ANO3: variants seen among roughly 807,000 people sequenced by gnomAD.
ANO3 encodes the protein anoctamin 3.
ANO3 carries 99 observed loss-of-function variants against 144.8 expected under a neutral mutation model. The observed-to-expected ratio is 0.68, with a 90% CI of 0.58 to 0.81. The LOEUF (loss-of-function observed/expected upper bound fraction) is 0.81, where lower values mean the gene tolerates loss of function less well. Ranked by LOEUF, ANO3 falls within the 30% of genes least tolerant of loss-of-function variation. The pLI is 0.00. For synonymous variants in ANO3, 414 were observed against 392.6 expected (o/e 1.05, Z -0.64); for missense variants, 905 against 1,202.2 (o/e 0.75, Z 3.66).
intron 1 of ANO3, among the ~76,000 whole-genome samples, chr11:26,365,431 C>T (rs953788476): frequency 4.6e-5 from 7 of 152,326 alleles, no homozygotes; most frequent in African/African-American, 1.7e-4. Flanking sequence ...GGGCTTCCAA[C>T]CCAAAATTTC....
rs537027468 is a variant in ANO3 at position 26,578,756 on chromosome 11, G to A, written c.1447+18977G>A. Among the ~76,000 whole-genome samples the A allele has an allele frequency of 1.4e-4, 22 of 152,294 alleles. No homozygotes were observed. In the South Asian group the frequency reaches 4.6e-3, roughly 32 times the overall value. On this transcript the variant is annotated intron_variant, in intron 14 of 26. Transcript: ENST00000256737. ...GGGATAGAGGCCTATTGCTAAAATG[G>A]AGAGTTATAGGCTCCCTGTAGATTC...
intron 1 of ANO3, among the ~76,000 whole-genome samples, chr11:26,269,918 G>A (rs1274431018): frequency 6.6e-6 from 1 of 152,042 alleles, no homozygotes; most frequent in African/African-American, 2.4e-5. Flanking sequence ...ATTAGCATAG[G>A]CCCTAATCAA....
intron 7 of ANO3, among the ~76,000 whole-genome samples, chr11:26,528,438 C>T (rs1405516095): frequency 2.0e-5 from 3 of 152,152 alleles, no homozygotes; most frequent in Non-Finnish European, 4.4e-5. Context: ...TTTCTGTTAA[C>T]ATCACAAATG....
Position 26,599,547 on chromosome 11 carries a change from T to A in ANO3, c.1672-3T>A, listed in dbSNP as rs2132929518. ...ATGTTTTTTCTGGTGTCCAATATTG[T>A]AGATATCCTTGGTGATCACTGCAGT... On this transcript the variant is annotated splice_polypyrimidine_tract_variant and splice_region_variant and intron_variant, in intron 16 of 26. Coordinates refer to ENST00000256737, the MANE Select transcript of ANO3 (RefSeq NM_031418.4). 1 of 1,611,500 alleles carries A rather than the reference T, an allele frequency of 6.2e-7. No homozygotes were observed. The highest frequency in any genetic ancestry group is 1.3e-5 in the African/African-American group (1 of 74,992).
intron 3 of ANO3, among the ~76,000 whole-genome samples, chr11:26,451,589 C>A (rs1244443748): frequency 6.6e-6 from 1 of 152,204 alleles, no homozygotes; most frequent in East Asian, 1.9e-4. Context: ...CAGGAAGCTC[C>A]AACTGAGTGG....
chr11:26,262,949 G>C (rs778034081), intron 1 of ANO3, among the ~76,000 whole-genome samples: 1 of 152,136 alleles, frequency 6.6e-6, no homozygotes, highest in African/African-American at 2.4e-5. Context: ...CCTAAATACT[G>C]AGACATACTC....
At chr11:26,534,404 C>A in intron 8 of ANO3, 52 bp from the exon 9 acceptor site, 2 of 1,210,380 alleles carry the variant, frequency 1.7e-6, no homozygotes, top group Non-Finnish European at 2.4e-6. Context: ...GTAACTATTG[C>A]TGGATTCTGT....
At chr11:26,512,700 A>G (rs1349130538) in intron 5 of ANO3, among the ~76,000 whole-genome samples, 1 of 152,232 alleles carries the variant, frequency 6.6e-6, no homozygotes, top group African/African-American at 2.4e-5. Context: ...TGTAATGCAG[A>G]AACATCCTTC....
intron 1 of ANO3, among the ~76,000 whole-genome samples, chr11:26,361,623 G>A (rs1855930922): frequency 6.6e-6 from 1 of 152,076 alleles, no homozygotes; most frequent in African/African-American, 2.4e-5. Flanking sequence ...GCCAACTTTG[G>A]TGCTTATTGC....
At chr11:26,395,037 A>C (rs990310261) in intron 1 of ANO3, among the ~76,000 whole-genome samples, 3 of 152,100 alleles carry the variant, frequency 2.0e-5, no homozygotes, top group Admixed American at 6.6e-5. Context: ...ACCCCTGTGG[A>C]ATTTTGGGGG....
chr11:26,455,964 G>A (rs1329768117), intron 3 of ANO3, among the ~76,000 whole-genome samples: 8 of 151,528 alleles, frequency 5.3e-5, no homozygotes, highest in Non-Finnish European at 1.0e-4. Flanking sequence ...AGAAAAACAA[G>A]CAATGGGGAA....
intron 6 of ANO3, among the ~76,000 whole-genome samples, chr11:26,521,091 T>G (rs1862053786): frequency 1.3e-5 from 2 of 152,168 alleles, no homozygotes; most frequent in South Asian, 4.1e-4. Flanking sequence ...CACTGGAAAT[T>G]TGGGATAGCA....
At chr11:26,458,478 A>G (rs1465654669) in intron 3 of ANO3, among the ~76,000 whole-genome samples, 1 of 152,162 alleles carries the variant, frequency 6.6e-6, no homozygotes, top group African/African-American at 2.4e-5. Flanking sequence ...CCTTCATACT[A>G]TAGTTTTTCA....
intron 1 of ANO3, among the ~76,000 whole-genome samples, chr11:26,235,947 A>G (rs184036087): frequency 1.9e-4 from 29 of 152,254 alleles, no homozygotes; most frequent in African/African-American, 6.7e-4. Flanking sequence ...TCTCAATATT[A>G]TGTAGTTAAT....
chr11:26,561,257 A>G, intron 14 of ANO3: 4 of 1,513,638 alleles, frequency 2.6e-6, no homozygotes, highest in Admixed American at 2.1e-5. Flanking sequence ...ACTGTTTCAC[A>G]GTGATACTCT....
intron 1 of ANO3, among the ~76,000 whole-genome samples, chr11:26,371,356 G>C (rs1243153035): frequency 6.6e-6 from 1 of 152,222 alleles, no homozygotes; most frequent in Admixed American, 6.5e-5. Context: ...GCTTGGACAT[G>C]CCTGGATGTC....
intron 4 of ANO3, among the ~76,000 whole-genome samples, chr11:26,476,932 T>TGTGA (rs1334120290): frequency 6.7e-5 from 9 of 133,958 alleles, no homozygotes; most frequent in Non-Finnish European, 9.7e-5. Context: ...TGTGTGTGTG[T>TGTGA]GAGAGAGAGA....
intron 1 of ANO3, among the ~76,000 whole-genome samples, chr11:26,281,641 T>C (rs1231790369): frequency 1.3e-5 from 2 of 152,214 alleles, no homozygotes; most frequent in Non-Finnish European, 2.9e-5. Context: ...TTGTACACTC[T>C]AACAGGTACA....
intron 1 of ANO3, chr11:26,427,140 A>G (rs1364488076): frequency 2.0e-5 from 4 of 202,332 alleles, no homozygotes; most frequent in South Asian, 1.0e-4. Flanking sequence ...ACTAAGGACA[A>G]ATACCTAAAA....
Sources: allele counts gnomAD v4.1 joint callset (sites outside exome capture counted in the v4.1 genomes callset), GRCh38; gene constraint gnomAD v4.1.1; transcripts MANE v1.5; gene names NCBI Gene and HGNC (gene_info 2026-07-23, HGNC 2026-07-21).